The following ZNF385A variants were observed in gnomAD, a reference collection of about 807,000 sequenced individuals.
ZNF385A encodes the protein zinc finger protein 385A.
Under a neutral mutation model 32.1 loss-of-function variants are expected in ZNF385A, and 14 were observed. That is an observed-to-expected ratio of 0.44 (90% CI 0.29 to 0.68). The LOEUF (loss-of-function observed/expected upper bound fraction) is 0.68, where lower values mean the gene tolerates loss of function less well. Ranked by LOEUF, ZNF385A falls within the 30% of genes least tolerant of loss-of-function variation. The pLI is 0.14. For missense variants in ZNF385A, 406 were observed against 478.4 expected (o/e 0.85, Z 1.41); for synonymous variants, 197 against 202.7 (o/e 0.97, Z 0.24).
intron 1 of ZNF385A, chr12:54,379,133 T>TGGCCG (rs2137240680): frequency 1.0e-6 from 1 of 979,868 alleles, no homozygotes; most frequent in African/African-American, 1.8e-5. Context: ...GGGCCGCGCC[T>TGGCCG]GGCCGGGCCG....
chr12:54,377,822 G>T (rs1033842067), intron 1 of ZNF385A, among the ~76,000 whole-genome samples: 1 of 152,154 alleles, frequency 6.6e-6, no homozygotes, highest in Non-Finnish European at 1.5e-5. Context: ...CTCAAGTTGG[G>T]CCAGGAAACC....
At chr12:54,371,784 G>A in intron 3 of ZNF385A, 69 bp from the exon 4 acceptor site, 1 of 1,588,060 alleles carries the variant, frequency 6.3e-7, no homozygotes, top group Non-Finnish European at 8.5e-7. Context: ...ATGTGGAAGA[G>A]ACCCCCCCCA....
chr12:54,379,868 C>A (rs907120280), intron 1 of ZNF385A, among the ~76,000 whole-genome samples: 1 of 152,246 alleles, frequency 6.6e-6, no homozygotes, highest in Non-Finnish European at 1.5e-5. Context: ...GGGGGCAGCA[C>A]TGGGGGACCA....
chr12:54,379,368 GAAAGAGCTTGTTCTGA>G (rs1955019128), intron 1 of ZNF385A, among the ~76,000 whole-genome samples: 1 of 152,152 alleles, frequency 6.6e-6, no homozygotes, highest in East Asian at 1.9e-4. Context: ...ACACTCCTAG[GAAAGAGCTTGTTCTGA>G]AGAGAAGGAG....
intron 3 of ZNF385A, among the ~76,000 whole-genome samples, chr12:54,372,217 A>C (rs376835997): frequency 6.6e-6 from 1 of 152,256 alleles, no homozygotes; most frequent in African/African-American, 2.4e-5. Flanking sequence ...AGAGGGAAGA[A>C]ACAGGGATGT....
chr12:54,391,145 G>T, intron 1 of ZNF385A: 1 of 1,377,146 alleles, frequency 7.3e-7, no homozygotes, highest in Non-Finnish European at 9.7e-7. Flanking sequence ...CGCAGTCACC[G>T]CGGTGCCGGG....
At chr12:54,371,739 G>A in intron 3 of ZNF385A, 24 bp from the exon 4 acceptor site, 1 of 1,610,738 alleles carries the variant, frequency 6.2e-7, no homozygotes. Flanking sequence ...AGAAACATGG[G>A]GATCACCCTA....
At chr12:54,384,766 T>A (rs551154187), upstream of ZNF385A, 21 of 1,254,616 alleles carry the variant, frequency 1.7e-5, no homozygotes, top group African/African-American at 2.8e-4. Context: ...TGTAGACCAG[T>A]CCTTCCCTTC....
At chr12:54,379,103 G>T in intron 1 of ZNF385A, 1 of 982,454 alleles carries the variant, frequency 1.0e-6, no homozygotes, top group Non-Finnish European at 1.2e-6. Flanking sequence ...CATGGCCCGG[G>T]GTGGCGGACC....
At position 54,370,367 on chromosome 12, in the gene ZNF385A, C is replaced by T; in HGVS notation, c.990G>A (p.Pro330=). 2.0e-6 allele frequency: 3 copies of T among 1,510,018 alleles called. No homozygotes were observed. Among genetic ancestry groups the T allele is most frequent in the Non-Finnish European group, 2.7e-6 (3 of 1,127,898 alleles). The allele number at this position is 1,510,018 out of a possible 1,614,324, so 93.5% of individuals were successfully genotyped here. The change falls in exon 7 of 7, where the codon CCG becomes CCA. Residue 330 remains proline (P), a synonymous_variant. Coordinates refer to ENST00000394313, the MANE Select transcript of ZNF385A (RefSeq NM_015481.3). This position sits in a 1 kb window ranked among gnomAD's most constrained non-coding sequence, Gnocchi z 5.5. ...CCTGGAGAAGAGGTGCGGCTGGAGC[C>T]GGGCGCAGGGACAGCGGCGAGCCTG... ...AAAGSPLSLR[P]APAAPLLQGP...
intron 3 of ZNF385A, 122 bp from the exon 4 acceptor site, chr12:54,371,837 A>G: frequency 7.1e-7 from 1 of 1,410,786 alleles, no homozygotes; most frequent in Admixed American, 2.3e-5. Context: ...CCCTGTTACA[A>G]CATGCATGCT....
At position 54,374,130 on chromosome 12, in the gene ZNF385A, C is replaced by T. The variant is rs1291419302; in HGVS notation, c.204G>A (p.Gln68=). Residue 68 remains glutamine (Q), a synonymous_variant, in exon 3 of 7, where the codon CAG becomes CAA. Transcript: ENST00000394313. ...GATTACCTTTGTAGTGCGCCTCAGC[C>T]TGGCTCTTTAGGGATGGAGGAAGAA... ...ICQIRFNSQS[Q]AEAHYKGNRH... 1 of 1,517,124 alleles carries T rather than the reference C, an allele frequency of 6.6e-7. No individual in the cohort carries two copies. The highest frequency in any genetic ancestry group is 8.9e-7 in the Non-Finnish European group (1 of 1,123,368). 94.0% of individuals were successfully genotyped at this position (1,517,124 alleles called of 1,614,324 possible).
intron 1 of ZNF385A, among the ~76,000 whole-genome samples, chr12:54,383,810 G>A (rs150086337): frequency 5.9e-4 from 90 of 152,290 alleles, no homozygotes; most frequent in African/African-American, 2.1e-3. Flanking sequence ...CAGGAGAATC[G>A]GTGAACTGGG....
intron 1 of ZNF385A, chr12:54,379,193 G>A: frequency 2.0e-6 from 2 of 981,680 alleles, no homozygotes; most frequent in Non-Finnish European, 2.4e-6. Flanking sequence ...GGGGCTGTGC[G>A]GCCCGGCCGG....
At chr12:54,371,209 G>A in intron 4 of ZNF385A, 113 bp from the exon 5 acceptor site, 2 of 1,225,330 alleles carry the variant, frequency 1.6e-6, no homozygotes, top group Middle Eastern at 2.1e-4. Flanking sequence ...GGTGGGCACA[G>A]TGTGGGTTCT....
Position 54,369,317 on chromosome 12 carries a change from C to CG in ZNF385A, c.*938dup, listed in dbSNP as rs1954395645. ...GTTGACGATACGGAAACCACGGAGT[C>CG]GGGGGTGGGGGAGAGGTGTCACACC... On this transcript the variant is annotated 3_prime_UTR_variant, in exon 7 of 7. Transcript: ENST00000394313. 6.6e-6 allele frequency: 1 copy of CG among 151,354 alleles called. No homozygotes were observed. Among genetic ancestry groups the CG allele is most frequent in the African/African-American group, 2.4e-5 (1 of 40,942 alleles). 9.4% of individuals were successfully genotyped at this position (151,354 alleles called of 1,614,324 possible).
At chr12:54,388,460 C>T (rs759293397), upstream of ZNF385A, among the ~76,000 whole-genome samples, 2 of 152,176 alleles carry the variant, frequency 1.3e-5, no homozygotes, top group Non-Finnish European at 2.9e-5. Flanking sequence ...TTAGGTGGGG[C>T]CTCATGCCTC....
chr12:54,379,807 G>A (rs894297048), intron 1 of ZNF385A, among the ~76,000 whole-genome samples: 1 of 152,166 alleles, frequency 6.6e-6, no homozygotes, highest in African/African-American at 2.4e-5. Flanking sequence ...GGAGAACCAG[G>A]CTCCCTGAAA....
chr12:54,385,486 G>A (rs1955430015), upstream of ZNF385A, among the ~76,000 whole-genome samples: 1 of 152,182 alleles, frequency 6.6e-6, no homozygotes, highest in African/African-American at 2.4e-5. Flanking sequence ...CGACCCTGCT[G>A]TGCACCAGCT....
Sources: allele counts gnomAD v4.1 joint callset (sites outside exome capture counted in the v4.1 genomes callset), GRCh38; gene constraint gnomAD v4.1.1; non-coding constraint Gnocchi (gnomAD v3.1); transcripts MANE v1.5; gene names NCBI Gene and HGNC (gene_info 2026-07-23, HGNC 2026-07-21).